Variants in NCALD observed in about 807,000 individuals in gnomAD.
NCALD encodes neurocalcin delta.
In NCALD, 10 loss-of-function variants were observed where a neutral mutation model predicts 18.6. The ratio of observed to expected loss-of-function variants is 0.54; its 90% CI spans 0.33 to 0.91. The LOEUF is 0.91. Ranked by LOEUF, NCALD falls within the 40% of genes least tolerant of loss-of-function variation. The probability of loss-of-function intolerance (pLI) is 0.03; values close to 1 mark genes in which losing one functional copy is unlikely to be tolerated. For missense variants in NCALD, 184 were observed against 247.6 expected (o/e 0.74, Z 1.72); for synonymous variants, 88 against 87.4 (o/e 1.01, Z -0.04).
intron 2 of NCALD, among the ~76,000 whole-genome samples, chr8:101,715,003 CAAA>C (rs1297532566): frequency 9.7e-6 from 1 of 103,206 alleles, no homozygotes. Context: ...GACTCCGTCT[CAAA>C]AAAAAAAAAA....
intron 1 of NCALD, among the ~76,000 whole-genome samples, chr8:101,734,228 C>A (rs1563711063): frequency 6.6e-6 from 1 of 152,170 alleles, no homozygotes; most frequent in African/African-American, 2.4e-5. Context: ...TCCAACTCAA[C>A]CTCTCCCATT....
intron 1 of NCALD, among the ~76,000 whole-genome samples, chr8:102,105,368 C>T (rs900692790): frequency 2.0e-5 from 3 of 152,174 alleles, no homozygotes; most frequent in Admixed American, 6.5e-5. Flanking sequence ...CCACAATCCC[C>T]TGCTCAGGGA....
At chr8:101,843,424 G>A (rs1359571839) in intron 4 of NCALD, among the ~76,000 whole-genome samples, 2 of 152,006 alleles carry the variant, frequency 1.3e-5, no homozygotes, top group Non-Finnish European at 2.9e-5. Flanking sequence ...AAGCTTCTGA[G>A]TATGTGCATG....
At chr8:101,797,447 T>C (rs1323483493) in intron 4 of NCALD, among the ~76,000 whole-genome samples, 1 of 152,098 alleles carries the variant, frequency 6.6e-6, no homozygotes, top group African/African-American at 2.4e-5. Flanking sequence ...CAGAAGATAA[T>C]GAAATAATAA....
At chr8:101,994,724 C>T (rs921657475) in intron 2 of NCALD, among the ~76,000 whole-genome samples, 34 of 152,226 alleles carry the variant, frequency 2.2e-4, no homozygotes, top group African/African-American at 3.4e-4. Context: ...TTCATATCCC[C>T]AAGGCTCATT....
chr8:101,803,408 T>A (rs778472091), intron 4 of NCALD, among the ~76,000 whole-genome samples: 2 of 152,200 alleles, frequency 1.3e-5, no homozygotes, highest in Non-Finnish European at 2.9e-5. Flanking sequence ...GATGAAGATA[T>A]ACAAGGAGAT....
intron 3 of NCALD, among the ~76,000 whole-genome samples, chr8:101,897,446 G>A (rs1817238725): frequency 6.7e-6 from 1 of 150,300 alleles, no homozygotes; most frequent in African/African-American, 2.4e-5. Context: ...CAGTGCACCA[G>A]CATGGCACAT....
intron 1 of NCALD, among the ~76,000 whole-genome samples, chr8:102,093,596 T>C (rs1824996426): frequency 6.6e-6 from 1 of 152,220 alleles, no homozygotes; most frequent in South Asian, 2.1e-4. Context: ...TTTCTTCTTT[T>C]CTCCATCTTT....
intron 4 of NCALD, among the ~76,000 whole-genome samples, chr8:101,801,073 GGAAA>G (rs902681782): frequency 1.3e-5 from 2 of 150,820 alleles, no homozygotes; most frequent in African/African-American, 4.9e-5. Context: ...AAAGGGAAAG[GGAAA>G]GAAAGAGGAA....
At chr8:101,860,858 G>A (rs113908291) in intron 4 of NCALD, among the ~76,000 whole-genome samples, 160 of 152,170 alleles carry the variant, frequency 1.1e-3, no homozygotes, top group African/African-American at 3.8e-3. Context: ...TAGAAATATG[G>A]AGGCAGTGGT....
intron 2 of NCALD, among the ~76,000 whole-genome samples, chr8:101,979,284 C>T (rs1211689843): frequency 8.0e-6 from 1 of 124,400 alleles, no homozygotes; most frequent in Non-Finnish European, 1.5e-5. Flanking sequence ...TAAGGCCAGC[C>T]CTCAAAGTAT....
At chr8:102,092,651 C>T (rs921880503) in intron 1 of NCALD, among the ~76,000 whole-genome samples, 2 of 152,130 alleles carry the variant, frequency 1.3e-5, no homozygotes, top group Non-Finnish European at 2.9e-5. Flanking sequence ...TTTTCATGCT[C>T]CTCCCACATT....
At chr8:101,879,101 T>C (rs894805475) in intron 4 of NCALD, among the ~76,000 whole-genome samples, 9 of 152,200 alleles carry the variant, frequency 5.9e-5, no homozygotes, top group African/African-American at 4.8e-5. Flanking sequence ...ACTCATCTCA[T>C]TGAATGGGGT....
At chr8:102,050,168 CAAAAAAAAAAA>C (rs71268541) in intron 1 of NCALD, among the ~76,000 whole-genome samples, 6 of 44,702 alleles carry the variant, frequency 1.3e-4, no homozygotes, top group East Asian at 1.9e-3. Context: ...GACTCCGTCT[CAAAAAAAAAAA>C]AAAAAAAAAA....
intron 4 of NCALD, among the ~76,000 whole-genome samples, chr8:101,846,093 G>T (rs942399758): frequency 1.3e-5 from 2 of 152,156 alleles, no homozygotes; most frequent in African/African-American, 4.8e-5. Flanking sequence ...CACTTAAGTT[G>T]ATTCCATATC....
chr8:101,987,415 T>C (rs1285576435), intron 2 of NCALD, among the ~76,000 whole-genome samples: 1 of 152,172 alleles, frequency 6.6e-6, no homozygotes, highest in Non-Finnish European at 1.5e-5. Context: ...GTATGTAATA[T>C]CCAACCATTT....
rs747378038 is a variant in NCALD, at chr8:101,688,538, C to T, written c.*771G>A. 19 of 378,698 alleles carry T rather than the reference C, an allele frequency of 5.0e-5. No individual in the cohort carries two copies. Among genetic ancestry groups the T allele is most frequent in the Non-Finnish European group, 8.4e-5 (16 of 191,264 alleles). The allele number at this position is 378,698 out of a possible 1,614,324, so 23.5% of individuals were successfully genotyped here. On this transcript the variant is annotated 3_prime_UTR_variant, in exon 4 of 4. Coordinates refer to ENST00000220931, the MANE Select transcript of NCALD (RefSeq NM_032041.3). ...CATTTCATTTAAACAAGGCAAAACACTTAATTTGGTCTGCATTACCCAATA... is the reference window on the plus strand; with the variant it reads ...CATTTCATTTAAACAAGGCAAAACATTTAATTTGGTCTGCATTACCCAATA...
intron 1 of NCALD, among the ~76,000 whole-genome samples, chr8:102,055,585 C>T (rs760059594): frequency 3.9e-5 from 6 of 152,308 alleles, no homozygotes; most frequent in African/African-American, 7.2e-5. Context: ...CCAAATGAAC[C>T]CTTTTGATGG....
At chr8:101,885,603 C>T (rs1816648200) in intron 4 of NCALD, among the ~76,000 whole-genome samples, 1 of 152,170 alleles carries the variant, frequency 6.6e-6, no homozygotes, top group African/African-American at 2.4e-5. Flanking sequence ...TGCAAACCTG[C>T]AGCATGAACT....
Sources: gnomAD v4.1 joint callset for allele counts (sites outside exome capture counted in the v4.1 genomes callset) on GRCh38, gnomAD v4.1.1 for gene constraint, MANE v1.5 for transcripts, NCBI Gene and HGNC (gene_info 2026-07-23, HGNC 2026-07-21) for gene names.